CTNNBL1: variants seen among roughly 807,000 people sequenced by gnomAD.
CTNNBL1 encodes beta-catenin-like protein 1.
Under a neutral mutation model 72.7 loss-of-function variants are expected in CTNNBL1, and 31 were observed. The ratio of observed to expected loss-of-function variants is 0.43; its 90% CI spans 0.32 to 0.58. The LOEUF (loss-of-function observed/expected upper bound fraction) is 0.58, where lower values mean the gene tolerates loss of function less well. Among genes scored for constraint, CTNNBL1 ranks in the 20% least tolerant of loss-of-function variants. The probability of loss-of-function intolerance (pLI) is 0.08; values close to 1 mark genes in which losing one functional copy is unlikely to be tolerated. For synonymous variants in CTNNBL1, 240 were observed against 267.3 expected, an observed-to-expected ratio of 0.90 and a Z score of 1.00; for missense variants, 534 against 725.1, an observed-to-expected ratio of 0.74 and a Z score of 3.03.
intron 10 of CTNNBL1, among the ~76,000 whole-genome samples, chr20:37,787,692 G>C (rs1233449531): frequency 6.6e-6 from 1 of 152,186 alleles, no homozygotes; most frequent in Non-Finnish European, 1.5e-5. Flanking sequence ...TTCAGTAGAT[G>C]AATTTAACTA....
chr20:37,772,898 T>C (rs2073538485), intron 7 of CTNNBL1, among the ~76,000 whole-genome samples: 1 of 152,192 alleles, frequency 6.6e-6, no homozygotes, highest in South Asian at 2.1e-4. Flanking sequence ...GATCTCTTCA[T>C]CCAACAAATC....
chr20:37,859,327 A>G (rs2072469367), intron 13 of CTNNBL1, among the ~76,000 whole-genome samples: 1 of 151,602 alleles, frequency 6.6e-6, no homozygotes, highest in Non-Finnish European at 1.5e-5. Flanking sequence ...TTTGCACTCC[A>G]GCCTGGGGGA....
chr20:37,697,044 G>A (rs572875352), intron 1 of CTNNBL1, among the ~76,000 whole-genome samples: 22 of 151,974 alleles, frequency 1.4e-4, no homozygotes, highest in Admixed American at 5.2e-4. Flanking sequence ...TTAGCCGGGC[G>A]TGGTGGTGCA....
intron 11 of CTNNBL1, among the ~76,000 whole-genome samples, chr20:37,835,828 A>T (rs1165434142): frequency 1.3e-5 from 2 of 152,348 alleles, no homozygotes; most frequent in African/African-American, 2.4e-5. Flanking sequence ...AGCCATTTTT[A>T]AAAAATGAAG....
intron 10 of CTNNBL1, among the ~76,000 whole-genome samples, chr20:37,783,387 C>T (rs1466541931): frequency 1.3e-5 from 2 of 151,564 alleles, no homozygotes; most frequent in Non-Finnish European, 2.9e-5. Flanking sequence ...TTTATTATTT[C>T]TCTTCGTCTA....
At chr20:37,726,577 G>A (rs2073086604) in intron 1 of CTNNBL1, among the ~76,000 whole-genome samples, 1 of 152,082 alleles carries the variant, frequency 6.6e-6, no homozygotes, top group African/African-American at 2.4e-5. Flanking sequence ...CCTGTTGTTT[G>A]ATATCTAGGA....
intron 13 of CTNNBL1, among the ~76,000 whole-genome samples, chr20:37,851,642 C>T (rs2072398139): frequency 6.6e-6 from 1 of 152,190 alleles, no homozygotes; most frequent in Non-Finnish European, 1.5e-5. Flanking sequence ...GTTTCCTGTT[C>T]CCCGTGAGCT....
chr20:37,719,353 A>G (rs2073020436), intron 1 of CTNNBL1, among the ~76,000 whole-genome samples: 1 of 152,112 alleles, frequency 6.6e-6, no homozygotes, highest in Non-Finnish European at 1.5e-5. Flanking sequence ...ACCTTCCTTG[A>G]TCTCCAGTCT....
chr20:37,716,810 C>CT (rs1159091718), intron 1 of CTNNBL1, among the ~76,000 whole-genome samples: 4 of 152,188 alleles, frequency 2.6e-5, no homozygotes, highest in Non-Finnish European at 5.9e-5. Context: ...AAATATTCTT[C>CT]TTTAACAAGA....
At chr20:37,851,150 T>A (rs2072393578) in intron 13 of CTNNBL1, among the ~76,000 whole-genome samples, 1 of 152,182 alleles carries the variant, frequency 6.6e-6, no homozygotes, top group African/African-American at 2.4e-5. Context: ...TCCTTGTGTG[T>A]CTTTGGAGAT....
At chr20:37,728,968 A>G (rs1262699649) in intron 1 of CTNNBL1, among the ~76,000 whole-genome samples, 1 of 152,184 alleles carries the variant, frequency 6.6e-6, no homozygotes, top group Non-Finnish European at 1.5e-5. Flanking sequence ...GGCCCTATTT[A>G]TCCCTGTGTC....
At chr20:37,779,786 G>A (rs2073609963) in intron 10 of CTNNBL1, among the ~76,000 whole-genome samples, 1 of 152,130 alleles carries the variant, frequency 6.6e-6, no homozygotes, top group African/African-American at 2.4e-5. Context: ...TTGTACATGT[G>A]CTGTATGCCT....
chr20:37,814,072 G>A (rs1007577310), intron 11 of CTNNBL1, among the ~76,000 whole-genome samples: 4 of 152,110 alleles, frequency 2.6e-5, no homozygotes, highest in African/African-American at 7.2e-5. Flanking sequence ...AGAACACTGA[G>A]GCCCAGATAA....
At chr20:37,842,257 G>C (rs2072310385) in intron 12 of CTNNBL1, 82 bp from the exon 13 acceptor site, 1 of 960,062 alleles carries the variant, frequency 1.0e-6, no homozygotes, top group Admixed American at 1.7e-5. Flanking sequence ...GGGAGCGACA[G>C]TGAGATGAAT....
At chr20:37,775,473 T>G (rs1480150626) in intron 7 of CTNNBL1, among the ~76,000 whole-genome samples, 1 of 152,214 alleles carries the variant, frequency 6.6e-6, no homozygotes, top group Non-Finnish European at 1.5e-5. Flanking sequence ...ATTTAACATA[T>G]CCTGTGGTGA....
chr20:37,759,968 G>T (rs1238524647), intron 5 of CTNNBL1, among the ~76,000 whole-genome samples: 3 of 152,234 alleles, frequency 2.0e-5, no homozygotes, highest in Admixed American at 2.0e-4. Context: ...GTGGTGTGCA[G>T]TTTGCAGTTA....
intron 11 of CTNNBL1, among the ~76,000 whole-genome samples, chr20:37,834,756 A>G (rs1306907562): frequency 6.6e-6 from 1 of 152,220 alleles, no homozygotes; most frequent in Non-Finnish European, 1.5e-5. Flanking sequence ...TCACCGAGCC[A>G]TGGGTTCCAC....
At position 37,696,435 on chromosome 20, in the gene CTNNBL1, CTTTTTTTTTTTTTT is replaced by C. The variant is rs57358123; in HGVS notation, c.30+2295_30+2308del. On this transcript the variant is annotated intron_variant, in intron 1 of 15. Coordinates refer to ENST00000361383, the MANE Select transcript of CTNNBL1 (RefSeq NM_030877.5). ...TTAGTATGAAAATAATGTACAATAT[CTTTTTTTTTTTTTT>C]TTTTTTTTTTTGAGATGGAGTTTCA... Among the ~76,000 whole-genome samples, 8 of 89,610 alleles carry C rather than the reference CTTTTTTTTTTTTTT, an allele frequency of 8.9e-5. No individual in the cohort carries two copies. The Admixed American group carries it at 1.0e-3, about 12-fold the overall frequency. The allele number at this position is 89,610 out of a possible 152,430, so 58.8% of individuals were successfully genotyped here.
At chr20:37,792,480 CTTCA>C (rs573797136) in intron 10 of CTNNBL1, among the ~76,000 whole-genome samples, 61 of 152,230 alleles carry the variant, frequency 4.0e-4, no homozygotes, top group African/African-American at 1.4e-3. Context: ...GGCTTTTAAT[CTTCA>C]TTATTTATTT....
Sources: allele counts gnomAD v4.1 joint callset (sites outside exome capture counted in the v4.1 genomes callset), GRCh38; gene constraint gnomAD v4.1.1; transcripts MANE v1.5; gene names NCBI Gene and HGNC (gene_info 2026-07-23, HGNC 2026-07-21).